Variants in LEO1 observed in about 807,000 individuals in gnomAD.
The protein encoded by LEO1 is LEO1 component of Paf1/RNA polymerase II complex, also known as RNA polymerase-associated protein LEO1.
In LEO1, 34 loss-of-function variants were observed where a neutral mutation model predicts 80.4. That is an observed-to-expected ratio of 0.42 (90% confidence interval 0.32 to 0.56). The LOEUF is 0.56. LEO1 is among the 20% of genes least tolerant of loss of function. The probability of loss-of-function intolerance (pLI) is 0.10; values close to 1 mark genes in which losing one functional copy is unlikely to be tolerated. For synonymous variants in LEO1, 262 were observed against 274.9 expected, an observed-to-expected ratio of 0.95 and a Z score of 0.46; for missense variants, 631 against 814.2, an observed-to-expected ratio of 0.77 and a Z score of 2.74.
Position 51,971,584 on chromosome 15 carries a change from G to A in LEO1, c.58+104C>T, listed in dbSNP as rs556617147. On this transcript the variant is annotated intron_variant, in intron 1 of 11. Transcript: ENST00000299601. ...CAGGGGGCGCTGAGGCAGGAGTGGA[G>A]GAAACGCCACCTCTTGCCCGCGGCG... 9.2e-5 allele frequency: 111 copies of A among 1,201,360 alleles called. No homozygotes were observed. The African/African-American group carries it at 1.4e-3, about 16-fold the overall frequency. 74.4% of individuals were successfully genotyped at this position (1,201,360 alleles called of 1,614,324 possible).
At chr15:51,945,069 A>G (rs147216528) in intron 11 of LEO1, among the ~76,000 whole-genome samples, 1 of 152,232 alleles carries the variant, frequency 6.6e-6, no homozygotes, top group African/African-American at 2.4e-5. Flanking sequence ...GAGTTAAATC[A>G]TATCTTCTCT....
At position 51,971,723 on chromosome 15, in the gene LEO1, A is replaced by C. The variant is rs773611064; in HGVS notation, c.23T>G (p.Phe8Cys). 8 of 1,614,162 alleles carry C rather than the reference A, an allele frequency of 5.0e-6. No homozygotes were observed. In the South Asian group the frequency reaches 8.8e-5, roughly 18 times the overall value. MADMEDL[F>C]GSDADSEAER... ...AGCTTCGCTGTCGGCGTCGCTCCCGAAGAGATCCTCCATATCCGCCATTAT... is the reference window on the plus strand; with the variant it reads ...AGCTTCGCTGTCGGCGTCGCTCCCGCAGAGATCCTCCATATCCGCCATTAT... Residue 8 changes from phenylalanine (F) to cysteine (C), a missense_variant, in exon 1 of 12, where the codon TTC becomes TGC. This residue lies in a region of LEO1 where 394 missense variants were observed against 395.6 expected (regional missense o/e 1.00). Transcript: ENST00000299601.
chr15:51,967,379 A>T (rs532802597), intron 1 of LEO1, among the ~76,000 whole-genome samples: 21 of 152,354 alleles, frequency 1.4e-4, no homozygotes. Context: ...AGGCTGAAAC[A>T]GGAAAATCGC....
rs766957096 is a variant in LEO1 at position 51,971,778 on chromosome 15, G to T, written c.-33C>A. On this transcript the variant is annotated 5_prime_UTR_variant, in exon 1 of 12. Coordinates refer to ENST00000299601, the MANE Select transcript of LEO1 (RefSeq NM_138792.4). ...CACGTCCGCTGCTGCCTCGGTTAGG[G>T]GCAGCTCCCGGCCTCTCTTTACGGC... The T allele has an allele frequency of 6.2e-7, 1 of 1,609,190 alleles. No homozygotes were observed. Among genetic ancestry groups the T allele is most frequent in the Non-Finnish European group, 8.5e-7 (1 of 1,175,728 alleles).
Position 51,947,336 on chromosome 15 carries a change from T to C in LEO1, c.1852A>G (p.Lys618Glu). 6.2e-7 allele frequency: 1 copy of C among 1,613,908 alleles called. No individual in the cohort carries two copies. The highest frequency in any genetic ancestry group is 8.5e-7 in the Non-Finnish European group (1 of 1,179,832). The change falls in exon 11 of 12, where the codon AAA becomes GAA. Residue 618 changes from lysine (K) to glutamate (E), a missense_variant. By Grantham distance (56) the Lys-to-Glu change is moderately conservative. Transcript: ENST00000299601. ...TTTGCTTTGAGTAATCTTTGAGCTT[T>C]ATCTTCTTCTGATCCCTCATCACTG... ...SDSDEGSEED[K>E]AQRLLKAKKL...
chr15:51,945,483 C>T (rs746864747), intron 11 of LEO1, among the ~76,000 whole-genome samples: 5 of 152,140 alleles, frequency 3.3e-5, no homozygotes, highest in African/African-American at 4.8e-5. Flanking sequence ...TACCTTCAGA[C>T]GTTTACTCAA....
At chr15:51,942,721 A>G (rs1292749431) in intron 11 of LEO1, among the ~76,000 whole-genome samples, 1 of 152,016 alleles carries the variant, frequency 6.6e-6, no homozygotes, top group Non-Finnish European at 1.5e-5. Context: ...CAGGAGTTCC[A>G]GACCAACCTG....
chr15:51,962,377 T>A lies in LEO1; in HGVS notation c.919+12A>T. Reference sequence around the variant, plus strand: ...TATGGAAATATACATATATATATAATAATAGGGATACCTTTTGGCACCTCA... The same window carrying A: ...TATGGAAATATACATATATATATAAAAATAGGGATACCTTTTGGCACCTCA... On this transcript the variant is annotated intron_variant, in intron 3 of 11. Transcript: ENST00000299601. 1.3e-6 allele frequency: 2 copies of A among 1,519,392 alleles called. No individual in the cohort carries two copies. The highest frequency in any genetic ancestry group is 2.3e-5 in the South Asian group (2 of 88,538). 94.1% of individuals were successfully genotyped at this position (1,519,392 alleles called of 1,614,324 possible). A position where few individuals can be genotyped will look rare whatever the true frequency, so the allele number is the denominator to read the frequency against.
In LEO1 at chr15:51,949,909, C is replaced by G; in HGVS notation, c.1697G>C (p.Ser566Thr). The change falls in exon 10 of 12, where the codon AGC becomes ACC. Residue 566 changes from serine (S) to threonine (T), a missense_variant. Ser to Thr is a moderately conservative substitution (Grantham distance 58). This residue lies in a region of LEO1 where 117 missense variants were observed against 163.5 expected (regional missense o/e 0.72). Coordinates refer to ENST00000299601, the MANE Select transcript of LEO1 (RefSeq NM_138792.4). ...TCGATCAGGTTCCAGGTAACTGGCG[C>G]TCAGCCCCCGCTGGTGCTGTTTCTC... ...MREKQHQRGL[S>T]ASYLEPDRYD... is the part of the protein sequence containing the mutation. 6.2e-7 allele frequency: 1 copy of G among 1,614,098 alleles called. No homozygotes were observed. Among genetic ancestry groups the G allele is most frequent in the Non-Finnish European group, 8.5e-7 (1 of 1,180,028 alleles).
At chr15:51,939,456 T>C (rs1321137670) in intron 11 of LEO1, among the ~76,000 whole-genome samples, 1 of 152,186 alleles carries the variant, frequency 6.6e-6, no homozygotes, top group Non-Finnish European at 1.5e-5. Flanking sequence ...GGGGAAGTTA[T>C]GAATCCACAG....
chr15:51,949,744 T>C lies in LEO1; in HGVS notation c.1798+64A>G, dbSNP rs572080617. The stretch of plus-strand genomic sequence containing the variant: ...CCAGTGACTTGGCAGCCGGATTACA[T>C]CTAATGCCAAGATGAAGTCCAGAAT... On this transcript the variant is annotated intron_variant, in intron 10 of 11. Coordinates refer to ENST00000299601, the MANE Select transcript of LEO1 (RefSeq NM_138792.4). 4 of 1,266,196 alleles carry C rather than the reference T, an allele frequency of 3.2e-6. No homozygotes were observed. In the African/African-American group the frequency reaches 4.6e-5, roughly 14 times the overall value. The allele number at this position is 1,266,196 out of a possible 1,614,324, so 78.4% of individuals were successfully genotyped here.
intron 7 of LEO1, among the ~76,000 whole-genome samples, chr15:51,953,937 CTTT>C (rs112885993): frequency 2.9e-5 from 4 of 139,350 alleles, no homozygotes; most frequent in Admixed American, 7.2e-5. Context: ...GAAATTTTTT[CTTT>C]TTTTTTTTTT....
At chr15:51,970,461 A>G (rs1472154216) in intron 1 of LEO1, among the ~76,000 whole-genome samples, 1 of 152,230 alleles carries the variant, frequency 6.6e-6, no homozygotes, top group Non-Finnish European at 1.5e-5. Flanking sequence ...ATGTCCATCA[A>G]CAGATAAATG....
chr15:51,968,141 G>A (rs1475925797), intron 1 of LEO1, among the ~76,000 whole-genome samples: 1 of 151,978 alleles, frequency 6.6e-6, no homozygotes, highest in East Asian at 1.9e-4. Flanking sequence ...CAAGATCATA[G>A]CACTGCACTC....
chr15:51,948,793 A>G (rs947765844), intron 10 of LEO1, among the ~76,000 whole-genome samples: 1 of 152,210 alleles, frequency 6.6e-6, no homozygotes, highest in African/African-American at 2.4e-5. Context: ...CAGGGTCAGA[A>G]GGCCAGCCAG....
At chr15:51,940,410 A>C (rs368374069) in intron 11 of LEO1, among the ~76,000 whole-genome samples, 2 of 151,322 alleles carry the variant, frequency 1.3e-5, no homozygotes, top group African/African-American at 4.9e-5. Flanking sequence ...ACTACAAAAA[A>C]ATTAGCCAGG....
chr15:51,969,838 TAAAAAAAAA>T (rs58342384), intron 1 of LEO1, among the ~76,000 whole-genome samples: 2 of 89,976 alleles, frequency 2.2e-5, no homozygotes, highest in Non-Finnish European at 4.2e-5. Flanking sequence ...GAGACTCCGT[TAAAAAAAAA>T]AAAAAAAAAA....
At chr15:51,950,222 C>T (rs1240636884) in intron 9 of LEO1, among the ~76,000 whole-genome samples, 1 of 152,188 alleles carries the variant, frequency 6.6e-6, no homozygotes, top group Non-Finnish European at 1.5e-5. Context: ...ACTAACCGGC[C>T]CAACTGGCAT....
chr15:51,965,985 C>T lies in LEO1; in HGVS notation c.578G>A (p.Arg193Lys), dbSNP rs2141779909. Residue 193 changes from arginine to lysine, a missense_variant, in exon 2 of 12, where the codon AGG becomes AAG. Arg to Lys is a conservative substitution (Grantham distance 26). Coordinates refer to ENST00000299601, the MANE Select transcript of LEO1 (RefSeq NM_138792.4). ...TCTCTCATCATCGGAAAGCTGAGGC[C>T]TCTCCTCATCATCTGTGTTCTGCAT... ...EKMQNTDDEERPQLSDDERQQ... is the reference protein window; with the variant it reads ...EKMQNTDDEEKPQLSDDERQQ... The T allele has an allele frequency of 6.2e-7, 1 of 1,614,012 alleles. No individual in the cohort carries two copies. The highest frequency in any genetic ancestry group is 2.2e-5 in the East Asian group (1 of 44,886).
Sources: allele counts gnomAD v4.1 joint callset (sites outside exome capture counted in the v4.1 genomes callset), GRCh38; gene constraint gnomAD v4.1.1; regional missense constraint gnomAD v4.1.1; transcripts MANE v1.5; gene names NCBI Gene and HGNC (gene_info 2026-07-23, HGNC 2026-07-21).